DIAPH2: variants seen among roughly 807,000 people sequenced by gnomAD.
DIAPH2 encodes diaphanous related formin 2, also known as protein diaphanous homolog 2.
In DIAPH2, 35 loss-of-function variants were observed where a neutral mutation model predicts 92.7. That is an observed-to-expected ratio of 0.38 (90% confidence interval 0.29 to 0.50). DIAPH2 has a LOEUF of 0.50. Ranked by LOEUF, DIAPH2 falls within the 20% of genes least tolerant of loss-of-function variation. The pLI is 0.94. For missense variants in DIAPH2, 701 were observed against 819.5 expected (o/e 0.86, Z 1.77); for synonymous variants, 301 against 280.4 (o/e 1.07, Z -0.73).
intron 4 of DIAPH2, among the ~76,000 whole-genome samples, chrX:96,856,780 T>G (rs2065042816): frequency 9.0e-6 from 1 of 110,685 alleles, no homozygotes; most frequent in East Asian, 2.8e-4. Flanking sequence ...CTCATCCCTG[T>G]AATCCCAGCA....
intron 4 of DIAPH2, among the ~76,000 whole-genome samples, chrX:96,831,434 A>G (rs1270700503): frequency 8.9e-6 from 1 of 112,225 alleles, no homozygotes; most frequent in Non-Finnish European, 1.9e-5. Context: ...TCTGCCATTT[A>G]CAGTCTGTTG....
At chrX:97,321,019 A>G (rs1663530368) in intron 23 of DIAPH2, among the ~76,000 whole-genome samples, 2 of 111,790 alleles carry the variant, frequency 1.8e-5, no homozygotes, top group Admixed American at 9.6e-5. Flanking sequence ...ATCCTTTATG[A>G]CATAATTTAT....
Position 97,114,822 on chromosome X carries a change from G to A in DIAPH2, c.2446G>A (p.Ala816Thr), listed in dbSNP as rs1318654600. ...AAACAACATCAAACCAAGCATCATA[G>A]CAGTAACTCTTGCCTGTGAAGAACT... The part of the protein sequence containing the change: ...HINNIKPSII[A>T]VTLACEELKK... The change falls in exon 21 of 27, where the codon GCA (alanine) becomes ACA (threonine). Residue 816 changes from alanine (A) to threonine (T), a missense_variant. This residue lies in a region of DIAPH2 where 536 missense variants were observed against 599.3 expected (regional missense o/e 0.89). Transcript: ENST00000324765. The A allele has an allele frequency of 8.3e-7, 1 of 1,211,393 alleles. No individual in the cohort carries two copies. The highest frequency in any genetic ancestry group is 2.2e-5 in the Admixed American group (1 of 46,018).
chrX:97,579,884 A>G (rs1336291231), intron 26 of DIAPH2, among the ~76,000 whole-genome samples: 2 of 109,250 alleles, frequency 1.8e-5, no homozygotes, highest in East Asian at 2.9e-4. Flanking sequence ...GGTCCTTCAC[A>G]TCCCTTGTAA....
At chrX:97,046,948 C>G in intron 17 of DIAPH2, among the ~76,000 whole-genome samples, 1 of 110,353 alleles carries the variant, frequency 9.1e-6, no homozygotes, top group Non-Finnish European at 1.9e-5. Flanking sequence ...TTTCGGTGGT[C>G]GGGGTGTGAT....
chrX:97,500,250 G>A (rs2070785952), intron 26 of DIAPH2, among the ~76,000 whole-genome samples: 1 of 111,213 alleles, frequency 9.0e-6, no homozygotes, highest in African/African-American at 3.3e-5. Flanking sequence ...TTGGTCTCTT[G>A]GGGCCCTTTC....
At chrX:97,464,247 A>G (rs911211937) in intron 26 of DIAPH2, among the ~76,000 whole-genome samples, 7 of 97,990 alleles carry the variant, frequency 7.1e-5, no homozygotes, top group African/African-American at 2.3e-4. Context: ...GGCAGATCAC[A>G]AGGTCAGATC....
chrX:97,291,218 C>T lies in DIAPH2; in HGVS notation c.2844+43379C>T, dbSNP rs774979666. On this transcript the variant is annotated intron_variant, in intron 23 of 26. Coordinates refer to ENST00000324765, the MANE Select transcript of DIAPH2 (RefSeq NM_006729.5). Reference sequence around the variant, plus strand: ...CCTGGCCAACATGGTGAAACCCCGTCTCTACTAAAAAATACAAAAAAATTA... The same window carrying T: ...CCTGGCCAACATGGTGAAACCCCGTTTCTACTAAAAAATACAAAAAAATTA... 3.6e-5 allele frequency among the ~76,000 whole-genome samples: 4 copies of T among 110,955 alleles called. 1 individual carries two copies. In the South Asian group the frequency reaches 1.6e-3, roughly 43 times the overall value.
At chrX:97,511,226 A>G (rs1157366651) in intron 26 of DIAPH2, among the ~76,000 whole-genome samples, 4 of 93,665 alleles carry the variant, frequency 4.3e-5, no homozygotes, top group Admixed American at 1.2e-4. Flanking sequence ...GGTCCTTCAC[A>G]TCCCTTGTAA....
intron 21 of DIAPH2, among the ~76,000 whole-genome samples, chrX:97,129,434 G>A (rs1197030181): frequency 1.1e-4 from 12 of 110,076 alleles, no homozygotes; most frequent in African/African-American, 3.7e-4. Flanking sequence ...CAGAGTGCTG[G>A]GATTACAGGC....
At chrX:97,206,013 A>G (rs753015703) in intron 22 of DIAPH2, among the ~76,000 whole-genome samples, 1 of 111,622 alleles carries the variant, frequency 9.0e-6, no homozygotes, top group Non-Finnish European at 1.9e-5. Flanking sequence ...AGGGACATGA[A>G]TGAAGCTGTA....
At chrX:97,169,365 G>A (rs185802118) in intron 22 of DIAPH2, among the ~76,000 whole-genome samples, 149 of 111,525 alleles carry the variant, frequency 1.3e-3, no homozygotes, top group African/African-American at 4.8e-3. Context: ...ATGGTAAGGC[G>A]ATGGAAAGTT....
At chrX:97,535,565 C>A (rs1470462742) in intron 26 of DIAPH2, among the ~76,000 whole-genome samples, 1 of 111,303 alleles carries the variant, frequency 9.0e-6, no homozygotes, top group Non-Finnish European at 1.9e-5. Context: ...GATTCTCCTG[C>A]CTCAGCCTCT....
At chrX:97,542,364 AATTCTGGATGCTAC>A (rs1053902147) in intron 26 of DIAPH2, among the ~76,000 whole-genome samples, 11 of 112,099 alleles carry the variant, frequency 9.8e-5, no homozygotes, top group East Asian at 5.6e-4. Flanking sequence ...TGAATGCTTA[AATTCTGGATGCTAC>A]ATTCTGGATG....
intron 26 of DIAPH2, among the ~76,000 whole-genome samples, chrX:97,566,227 C>T (rs1343671222): frequency 9.0e-6 from 1 of 111,321 alleles, no homozygotes; most frequent in African/African-American, 3.3e-5. Context: ...TTTTTTTCTG[C>T]GAGATAACTT....
At chrX:96,855,094 A>C (rs751117757) in intron 4 of DIAPH2, among the ~76,000 whole-genome samples, 1 of 110,637 alleles carries the variant, frequency 9.0e-6, no homozygotes, top group East Asian at 2.8e-4. Flanking sequence ...TTTTTATTTT[A>C]TATTTTATGT....
At chrX:97,514,133 AC>A (rs1342725156) in intron 26 of DIAPH2, among the ~76,000 whole-genome samples, 32 of 106,229 alleles carry the variant, frequency 3.0e-4, no homozygotes, top group Non-Finnish European at 4.9e-4. Context: ...TCTCCCCATC[AC>A]TTTCAGGTAC....
At position 97,491,984 on chromosome X, in the gene DIAPH2, C is replaced by T. The variant is rs754903387; in HGVS notation, c.3241+62239C>T. 1.1e-3 allele frequency among the ~76,000 whole-genome samples: 120 copies of T among 112,122 alleles called. 1 individual carries two copies. The highest frequency in any genetic ancestry group is 3.6e-3 in the African/African-American group (110 of 30,938). ...ACTTAACTGCACTCACATACAAAAACCTTCCACTTTTACTTCTCCCTCACC... is the reference window on the plus strand; with the variant it reads ...ACTTAACTGCACTCACATACAAAAATCTTCCACTTTTACTTCTCCCTCACC... On this transcript the variant is annotated intron_variant, in intron 26 of 26. Coordinates refer to ENST00000324765, the MANE Select transcript of DIAPH2 (RefSeq NM_006729.5).
intron 26 of DIAPH2, among the ~76,000 whole-genome samples, chrX:97,566,599 G>A (rs1373129482): frequency 1.8e-5 from 2 of 111,884 alleles, no homozygotes; most frequent in East Asian, 2.8e-4. Flanking sequence ...GCCTGCACAC[G>A]TTTCACATAG....
Sources: allele counts gnomAD v4.1 joint callset (sites outside exome capture counted in the v4.1 genomes callset), GRCh38; gene constraint gnomAD v4.1.1; regional missense constraint gnomAD v4.1.1; transcripts MANE v1.5; gene names NCBI Gene and HGNC (gene_info 2026-07-23, HGNC 2026-07-21).